The following GLDC variants were observed in gnomAD, a reference collection of about 807,000 sequenced individuals.
The protein encoded by GLDC is glycine decarboxylase.
A neutral mutation model predicts 121.3 loss-of-function variants in GLDC; 104 were observed. The observed-to-expected ratio is 0.86, with a 90% CI of 0.73 to 1.01. The LOEUF (loss-of-function observed/expected upper bound fraction) is 1.01. GLDC is among the 50% of genes least tolerant of loss of function. GLDC has a pLI of 0.00. For synonymous variants in GLDC, 546 were observed against 480.6 expected (o/e 1.14, Z -1.78); for missense variants, 1,429 against 1,306.6 (o/e 1.09, Z -1.44).
intron 3 of GLDC, among the ~76,000 whole-genome samples, chr9:6,615,264 G>T (rs113973492): frequency 1.3e-5 from 2 of 151,960 alleles, no homozygotes; most frequent in Non-Finnish European, 2.9e-5. Context: ...AAAATCCCTA[G>T]CTTTCTGTCT....
intron 16 of GLDC, among the ~76,000 whole-genome samples, chr9:6,562,399 C>A (rs1269181349): frequency 1.3e-5 from 2 of 152,120 alleles, no homozygotes; most frequent in African/African-American, 4.8e-5. Flanking sequence ...CACATGACTT[C>A]CCCACACTCC....
At chr9:6,633,530 C>T (rs1215195431) in intron 2 of GLDC, among the ~76,000 whole-genome samples, 1 of 152,180 alleles carries the variant, frequency 6.6e-6, no homozygotes, top group African/African-American at 2.4e-5. Flanking sequence ...CCTGTTCCCC[C>T]TCTGTTAATC....
intron 21 of GLDC, among the ~76,000 whole-genome samples, chr9:6,543,949 C>A (rs1817329194): frequency 6.6e-6 from 1 of 151,974 alleles, no homozygotes; most frequent in African/African-American, 2.4e-5. Context: ...AAGTGGGAAC[C>A]ACCGCCCCCA....
intron 8 of GLDC, 145 bp downstream of exon 8, chr9:6,601,964 C>A (rs781023396): frequency 4.5e-6 from 3 of 660,462 alleles, no homozygotes; most frequent in Non-Finnish European, 8.3e-6. Flanking sequence ...AGACAATGAG[C>A]CTTCTACACC....
At chr9:6,557,802 C>CCT (rs1817668437) in intron 17 of GLDC, 2 of 152,642 alleles carry the variant, frequency 1.3e-5, no homozygotes, top group African/African-American at 4.8e-5. Context: ...CCAGGGAAGT[C>CCT]ATGTCCTATA....
intron 5 of GLDC, among the ~76,000 whole-genome samples, 178 bp downstream of exon 5, chr9:6,606,414 C>G (rs1413009963): frequency 6.6e-6 from 1 of 151,750 alleles, no homozygotes; most frequent in African/African-American, 2.4e-5. Flanking sequence ...AGTTTACTTA[C>G]CAGAGAGATG....
chr9:6,641,684 C>T (rs146730640), intron 2 of GLDC, among the ~76,000 whole-genome samples: 6 of 152,310 alleles, frequency 3.9e-5, no homozygotes, highest in Admixed American at 2.6e-4. Context: ...TACATGAAAG[C>T]ACGTTAAAGA....
chr9:6,639,040 T>A, intron 2 of GLDC: 1 of 593,930 alleles, frequency 1.7e-6, no homozygotes, highest in South Asian at 1.8e-5. Flanking sequence ...CCTCAGAGTG[T>A]CTTTCAATAG....
At chr9:6,642,001 G>A (rs903122673) in intron 2 of GLDC, among the ~76,000 whole-genome samples, 1 of 152,072 alleles carries the variant, frequency 6.6e-6, no homozygotes, top group Admixed American at 6.6e-5. Context: ...TCCCCACCTG[G>A]AGAATATTCA....
chr9:6,644,309 T>C (rs181693561), intron 2 of GLDC, among the ~76,000 whole-genome samples: 20 of 151,840 alleles, frequency 1.3e-4, no homozygotes, highest in East Asian at 5.8e-4. Flanking sequence ...GAGAGCACCC[T>C]GGCCGGTGAG....
At chr9:6,535,706 C>A (rs1817112547) in intron 23 of GLDC, among the ~76,000 whole-genome samples, 1 of 152,198 alleles carries the variant, frequency 6.6e-6, no homozygotes, top group African/African-American at 2.4e-5. Context: ...CCAGTTTTCT[C>A]AGAGATAACT....
Position 6,604,797 on chromosome 9 carries a change from T to G in GLDC, c.862-13A>C. ...AGCAGGCCAGGCTCTAGAAAGGAAG[T>G]GAGAGAAAAGGAACAAGGTTGCTAC... On this transcript the variant is annotated splice_polypyrimidine_tract_variant and intron_variant, in intron 6 of 24. Coordinates refer to ENST00000321612, the MANE Select transcript of GLDC (RefSeq NM_000170.3). 1 of 1,610,244 alleles carries G rather than the reference T, an allele frequency of 6.2e-7. No individual in the cohort carries two copies. The highest frequency in any genetic ancestry group is 1.7e-5 in the Admixed American group (1 of 60,010).
chr9:6,561,042 CCT>C (rs1473031911), intron 16 of GLDC, among the ~76,000 whole-genome samples: 8 of 152,334 alleles, frequency 5.3e-5, no homozygotes, highest in African/African-American at 1.9e-4. Flanking sequence ...CAGATTCTCC[CCT>C]GTCTCCCCCA....
intron 15 of GLDC, among the ~76,000 whole-genome samples, chr9:6,580,250 T>C (rs963505241): frequency 6.6e-6 from 1 of 152,170 alleles, no homozygotes; most frequent in Non-Finnish European, 1.5e-5. Flanking sequence ...GCTTCTATAA[T>C]TGCAGGACCA....
chr9:6,594,235 G>T (rs1818442985), intron 9 of GLDC, among the ~76,000 whole-genome samples: 1 of 151,822 alleles, frequency 6.6e-6, no homozygotes, highest in South Asian at 2.1e-4. Flanking sequence ...TATGTCTACT[G>T]GCCATTTATT....
intron 2 of GLDC, chr9:6,639,668 A>AATATATAT: frequency 1.6e-5 from 4 of 248,648 alleles, no homozygotes; most frequent in South Asian, 9.6e-5. Flanking sequence ...ATAAAAAAAA[A>AATATATAT]GTATATATAT....
Position 6,594,944 on chromosome 9 carries a change from A to G in GLDC, c.1261+70T>C. Reference sequence around the variant, plus strand: ...TTTTGCATATAGTATTGGACATGCAATATTTTCAATTTTACTCAAATTTAT... The same window carrying G: ...TTTTGCATATAGTATTGGACATGCAGTATTTTCAATTTTACTCAAATTTAT... On this transcript the variant is annotated intron_variant, in intron 9 of 24. Transcript: ENST00000321612. The G allele has an allele frequency of 3.2e-6, 3 of 946,418 alleles. No individual in the cohort carries two copies. In the Admixed American group the frequency reaches 5.1e-5, roughly 16 times the overall value. 58.6% of individuals were successfully genotyped at this position (946,418 alleles called of 1,614,324 possible). A position where few individuals can be genotyped will look rare whatever the true frequency, so the allele number is the denominator to read the frequency against.
chr9:6,567,121 G>T (rs1482326253), intron 15 of GLDC: 2 of 151,030 alleles, frequency 1.3e-5, no homozygotes, highest in Non-Finnish European at 2.9e-5. Flanking sequence ...GGGGGGTTTA[G>T]CTAAAATAAA....
chr9:6,557,594 A>AAAAC (rs1448593571), intron 17 of GLDC: 1 of 151,916 alleles, frequency 6.6e-6, no homozygotes, highest in African/African-American at 2.4e-5. Flanking sequence ...ACTCCGTCTC[A>AAAAC]AAACAAACAA....
Sources: allele counts gnomAD v4.1 joint callset (sites outside exome capture counted in the v4.1 genomes callset), GRCh38; gene constraint gnomAD v4.1.1; transcripts MANE v1.5; gene names NCBI Gene and HGNC (gene_info 2026-07-23, HGNC 2026-07-21).